Variants in KANSL1 observed in about 807,000 individuals in gnomAD.
The protein encoded by KANSL1 is KAT8 regulatory NSL complex subunit 1.
KANSL1 carries 22 observed loss-of-function variants against 103.6 expected under a neutral mutation model. The observed-to-expected ratio is 0.21, with a 90% CI of 0.15 to 0.30. KANSL1 has a LOEUF of 0.30. Among genes scored for constraint, KANSL1 ranks in the 10% least tolerant of loss-of-function variants. KANSL1 has a pLI of 1.00. For missense variants in KANSL1, 1,337 were observed against 1,399.8 expected (o/e 0.96, Z 0.72); for synonymous variants, 600 against 527.6 (o/e 1.14, Z -1.88).
intron 3 of KANSL1, among the ~76,000 whole-genome samples, chr17:46,085,013 T>C (rs1340070211): frequency 6.6e-6 from 1 of 152,220 alleles, no homozygotes; most frequent in Non-Finnish European, 1.5e-5. Context: ...GTACAAAGCA[T>C]GCCAAAAATC....
chr17:46,122,653 T>G (rs1359171814), intron 2 of KANSL1, among the ~76,000 whole-genome samples: 1 of 152,210 alleles, frequency 6.6e-6, no homozygotes, highest in Non-Finnish European at 1.5e-5. Context: ...CAACCCTGCA[T>G]CAAGCAAGTC....
intron 2 of KANSL1, among the ~76,000 whole-genome samples, chr17:46,149,858 C>CAA (rs67220813): frequency 4.4e-5 from 6 of 137,298 alleles, no homozygotes; most frequent in African/African-American, 1.4e-4. Flanking sequence ...ACTAAAAATA[C>CAA]AAAAAAAAAA....
chr17:46,136,392 T>C (rs564654807), intron 2 of KANSL1, among the ~76,000 whole-genome samples: 11 of 152,348 alleles, frequency 7.2e-5, no homozygotes, highest in Non-Finnish European at 2.9e-5. Flanking sequence ...CACATACCCA[T>C]AATCATCCTT....
upstream of KANSL1, among the ~76,000 whole-genome samples, chr17:46,225,111 G>C (rs1410326244): frequency 5.3e-5 from 8 of 151,794 alleles, no homozygotes; most frequent in South Asian, 2.1e-4. Context: ...GCTGGGCGGG[G>C]GTCCCCGTGC....
chr17:46,049,240 C>CTTTTTTT (rs34418861), intron 7 of KANSL1, among the ~76,000 whole-genome samples: 20 of 75,794 alleles, frequency 2.6e-4, no homozygotes, highest in African/African-American at 3.3e-4. Flanking sequence ...CATCCAAGAC[C>CTTTTTTT]TTTTTTTTTT....
chr17:46,194,574 G>A (rs1331339739), upstream of KANSL1, among the ~76,000 whole-genome samples: 2 of 152,212 alleles, frequency 1.3e-5, no homozygotes, highest in Non-Finnish European at 2.9e-5. Flanking sequence ...CTTTAAAGTT[G>A]CCAAAAGATG....
chr17:46,202,079 G>A (rs1034221951), intron 1 of KANSL1, among the ~76,000 whole-genome samples: 1 of 152,072 alleles, frequency 6.6e-6, no homozygotes, highest in Non-Finnish European at 1.5e-5. Context: ...CTGGGAGGCT[G>A]AGGCAGGAGA....
At chr17:46,175,360 G>GTGTGTGTT (rs1167368374) in intron 1 of KANSL1, among the ~76,000 whole-genome samples, 2 of 136,644 alleles carry the variant, frequency 1.5e-5, no homozygotes, top group East Asian at 5.1e-4. Flanking sequence ...GTGTGTGTGT[G>GTGTGTGTT]TGTTTCTGAG....
At chr17:46,041,877 T>TG (rs754496737) in intron 7 of KANSL1, 10 of 95,872 alleles carry the variant, frequency 1.0e-4, no homozygotes, top group East Asian at 9.0e-4. Flanking sequence ...AGAAATTTAT[T>TG]TTGTGTGTGT....
chr17:46,198,424 A>T (rs894779034), upstream of KANSL1, among the ~76,000 whole-genome samples: 222 of 46,486 alleles, frequency 4.8e-3, 7 homozygotes, highest in East Asian at 0.013. Context: ...ACTTTAATTA[A>T]AAAAAAAAAA....
In KANSL1 at chr17:46,036,563, G is replaced by C. The variant is rs538599671; in HGVS notation, c.2541+1975C>G. On this transcript the variant is annotated intron_variant, in intron 10 of 14. Transcript: ENST00000432791. ...TCTGGAGATGATTTAAAGTATATGG[G>C]ATTTAAAGCATACACATAGGTTATA... Among the ~76,000 whole-genome samples, 7 of 152,242 alleles carry C rather than the reference G, an allele frequency of 4.6e-5. No individual in the cohort carries two copies. In the East Asian group the frequency reaches 1.4e-3, roughly 29 times the overall value.
At chr17:46,149,525 G>A (rs2044955299) in intron 2 of KANSL1, among the ~76,000 whole-genome samples, 1 of 152,248 alleles carries the variant, frequency 6.6e-6, no homozygotes, top group South Asian at 2.1e-4. Context: ...TGCCATTATA[G>A]TACTAAAGCA....
intron 2 of KANSL1, among the ~76,000 whole-genome samples, chr17:46,119,549 T>C (rs1020219194): frequency 1.3e-4 from 20 of 152,142 alleles, no homozygotes; most frequent in African/African-American, 4.6e-4. Context: ...TCAAGAGAGC[T>C]GCCCACCTCG....
Position 46,172,058 on chromosome 17 carries a change from A to G in KANSL1, c.86T>C (p.Leu29Ser). The change falls in exon 2 of 15, where the codon TTG (leucine) becomes TCG (serine). Residue 29 changes from leucine (L) to serine (S), a missense_variant. Leu to Ser is a moderately radical substitution (Grantham distance 145, BLOSUM62 -2). Around this residue, in one of 2 missense-constraint regions of KANSL1, gnomAD observed 557 missense variants for 476.4 expected, o/e 1.17. Coordinates refer to ENST00000432791, the MANE Select transcript of KANSL1 (RefSeq NM_015443.4). ...RFKLAPPSSTLSPGSAENNGN... is the reference protein window; with the variant it reads ...RFKLAPPSSTSSPGSAENNGN... ...GTTATTTTCGGCACTGCCAGGGGAC[A>G]AGGTAGAGGATGGGGGAGCCAGTTT... 2 of 1,614,158 alleles carry G rather than the reference A, an allele frequency of 1.2e-6. No individual in the cohort carries two copies. The highest frequency in any genetic ancestry group is 8.5e-7 in the Non-Finnish European group (1 of 1,180,048).
intron 6 of KANSL1, among the ~76,000 whole-genome samples, chr17:46,058,570 T>A (rs866370273): frequency 6.6e-6 from 1 of 152,136 alleles, no homozygotes; most frequent in Non-Finnish European, 1.5e-5. Context: ...AATACTACTA[T>A]AGGGATAAAA....
At chr17:46,055,248 G>A (rs1237875069) in intron 6 of KANSL1, among the ~76,000 whole-genome samples, 1 of 151,926 alleles carries the variant, frequency 6.6e-6, no homozygotes, top group African/African-American at 2.4e-5. Flanking sequence ...TGGATCACCT[G>A]AGGTTAGGAG....
Position 46,171,715 on chromosome 17 carries a change from C to A in KANSL1, c.429G>T (p.Thr143=). 6.4e-7 allele frequency: 1 copy of A among 1,565,408 alleles called. No individual in the cohort carries two copies. The highest frequency in any genetic ancestry group is 8.6e-7 in the Non-Finnish European group (1 of 1,159,844). Residue 143 remains threonine, a synonymous_variant, in exon 2 of 15, where the codon ACG becomes ACT. Transcript: ENST00000432791. The stretch of plus-strand genomic sequence containing the variant: ...CTTGTGGCAGAGCTGTCTGACCACT[C>A]GTATTCATGGTTCTAAGATTTTCTA... ...FSLENLRTMN[T]SGQTALPQAP...
chr17:46,153,408 G>A (rs780091164), intron 2 of KANSL1, among the ~76,000 whole-genome samples: 1 of 152,216 alleles, frequency 6.6e-6, no homozygotes, highest in Non-Finnish European at 1.5e-5. Flanking sequence ...TCAAAAGCCT[G>A]TGGAAATAAA....
At chr17:46,082,414 T>C (rs1055796468) in intron 4 of KANSL1, 27 bp downstream of exon 4, 2 of 1,446,934 alleles carry the variant, frequency 1.4e-6, no homozygotes, top group African/African-American at 2.8e-5. Context: ...TCTCACGCAT[T>C]TCCCCCTTTC....
Sources: gnomAD v4.1 joint callset for allele counts (sites outside exome capture counted in the v4.1 genomes callset) on GRCh38, gnomAD v4.1.1 for gene constraint, gnomAD v4.1.1 regional missense constraint, MANE v1.5 for transcripts, NCBI Gene and HGNC (gene_info 2026-07-23, HGNC 2026-07-21) for gene names.